SOX6: variants seen among roughly 807,000 people sequenced by gnomAD.
SOX6 encodes transcription factor SOX-6.
Under a neutral mutation model 97.8 loss-of-function variants are expected in SOX6, and 11 were observed. The ratio of observed to expected loss-of-function variants is 0.11; its 90% CI spans 0.07 to 0.19. SOX6 has a LOEUF of 0.19. SOX6 is among the 10% of genes least tolerant of loss of function. The pLI, the probability that SOX6 is intolerant of heterozygous loss-of-function variation, is 1.00. For missense variants in SOX6, 810 were observed against 1,039.5 expected, an observed-to-expected ratio of 0.78 and a Z score of 3.04; for synonymous variants, 360 against 371.4, an observed-to-expected ratio of 0.97 and a Z score of 0.35.
chr11:16,195,159 G>A (rs532210372), intron 4 of SOX6, among the ~76,000 whole-genome samples: 1 of 152,164 alleles, frequency 6.6e-6, no homozygotes, highest in Admixed American at 6.5e-5. Context: ...TATTAACAAG[G>A]CATTTTCTTA....
chr11:16,278,604 G>T (rs1328366458), intron 3 of SOX6, among the ~76,000 whole-genome samples: 1 of 151,646 alleles, frequency 6.6e-6, no homozygotes, highest in Non-Finnish European at 1.5e-5. Context: ...AAGATTTGGG[G>T]CCCCAGAACA....
chr11:16,111,658 C>T, intron 7 of SOX6, 145 bp downstream of exon 7: 1 of 1,115,140 alleles, frequency 9.0e-7, no homozygotes, highest in Non-Finnish European at 1.3e-6. Flanking sequence ...CCCACTCTTC[C>T]CAATTCTAAT....
intron 1 of SOX6, among the ~76,000 whole-genome samples, chr11:16,449,428 G>A (rs934214886): frequency 1.3e-5 from 2 of 151,596 alleles, no homozygotes; most frequent in Non-Finnish European, 2.9e-5. Flanking sequence ...GAGTAGCTGG[G>A]ATTACAGGCG....
chr11:16,243,854 G>C (rs891445983), intron 3 of SOX6, among the ~76,000 whole-genome samples: 1 of 151,972 alleles, frequency 6.6e-6, no homozygotes, highest in Non-Finnish European at 1.5e-5. Flanking sequence ...TAGTAGTCTG[G>C]TCCTTTTTAT....
At chr11:16,086,227 C>T (rs529579110) in intron 9 of SOX6, among the ~76,000 whole-genome samples, 11 of 152,256 alleles carry the variant, frequency 7.2e-5, no homozygotes, top group African/African-American at 2.6e-4. Flanking sequence ...TAAATTAAAT[C>T]GTTTAAAATA....
intron 4 of SOX6, among the ~76,000 whole-genome samples, chr11:16,482,972 C>T (rs1223418713): frequency 6.6e-6 from 1 of 152,144 alleles, no homozygotes; most frequent in Admixed American, 6.5e-5. Context: ...TGCTAAGGCA[C>T]CAGCAGTTTT....
chr11:16,649,660 A>G (rs1849063932), intron 3 of SOX6, among the ~76,000 whole-genome samples: 1 of 152,150 alleles, frequency 6.6e-6, no homozygotes. Context: ...AAATACACCA[A>G]AACAGAACTT....
At chr11:16,650,708 C>A (rs1847635412) in intron 3 of SOX6, among the ~76,000 whole-genome samples, 1 of 151,706 alleles carries the variant, frequency 6.6e-6, no homozygotes. Context: ...AAGGCCACAC[C>A]TCAAGGAACT....
At chr11:16,482,787 C>T (rs964814211) in intron 4 of SOX6, among the ~76,000 whole-genome samples, 1 of 150,192 alleles carries the variant, frequency 6.7e-6, no homozygotes, top group South Asian at 2.1e-4. Flanking sequence ...CACATTTCAG[C>T]ACACAGAGTA....
At chr11:16,150,473 G>A (rs1850431100) in intron 6 of SOX6, among the ~76,000 whole-genome samples, 1 of 152,108 alleles carries the variant, frequency 6.6e-6, no homozygotes, top group African/African-American at 2.4e-5. Context: ...AAGTTTTCTT[G>A]TCCATGCAGC....
At chr11:16,276,320 T>A (rs1476828411) in intron 3 of SOX6, among the ~76,000 whole-genome samples, 1 of 152,214 alleles carries the variant, frequency 6.6e-6, no homozygotes, top group Admixed American at 6.5e-5. Flanking sequence ...AGTGTAGCCC[T>A]GTAAGAGACT....
intron 6 of SOX6, among the ~76,000 whole-genome samples, chr11:16,144,624 G>A (rs1013295892): frequency 6.6e-6 from 1 of 152,088 alleles, no homozygotes; most frequent in Non-Finnish European, 1.5e-5. Flanking sequence ...AAGAAGAAAA[G>A]AGAGAAGAAT....
At chr11:16,028,634 CTG>C (rs1393699248) in intron 12 of SOX6, among the ~76,000 whole-genome samples, 1 of 152,170 alleles carries the variant, frequency 6.6e-6, no homozygotes, top group Non-Finnish European at 1.5e-5. Context: ...GTGCTGATCA[CTG>C]TGTGTGTTAG....
intron 4 of SOX6, among the ~76,000 whole-genome samples, chr11:16,562,025 C>T (rs1197102164): frequency 6.6e-6 from 1 of 152,144 alleles, no homozygotes; most frequent in African/African-American, 2.4e-5. Flanking sequence ...TGGTGCCCAG[C>T]CCCTTATTTG....
intron 4 of SOX6, among the ~76,000 whole-genome samples, chr11:16,197,730 A>G (rs1188278959): frequency 1.3e-5 from 2 of 152,210 alleles, no homozygotes; most frequent in Non-Finnish European, 2.9e-5. Context: ...TTTCCTATGT[A>G]GCATTCACAA....
At chr11:16,053,619 G>A (rs778282699) in intron 10 of SOX6, among the ~76,000 whole-genome samples, 2 of 152,128 alleles carry the variant, frequency 1.3e-5, no homozygotes, top group Non-Finnish European at 2.9e-5. Flanking sequence ...GATATAGCTA[G>A]TAAAAGTGGT....
At chr11:16,566,481 C>T (rs1379720618) in intron 4 of SOX6, among the ~76,000 whole-genome samples, 1 of 152,182 alleles carries the variant, frequency 6.6e-6, no homozygotes, top group Non-Finnish European at 1.5e-5. Flanking sequence ...CTCTGGTAAA[C>T]TCAGGATAAT....
At chr11:16,242,752 A>G (rs987746625) in intron 3 of SOX6, among the ~76,000 whole-genome samples, 3 of 151,968 alleles carry the variant, frequency 2.0e-5, no homozygotes, top group African/African-American at 7.2e-5. Context: ...ATGCCATAAT[A>G]TTAAATTATA....
At chr11:16,475,892 A>G (rs1860237195) in intron 1 of SOX6, among the ~76,000 whole-genome samples, 1 of 152,172 alleles carries the variant, frequency 6.6e-6, no homozygotes, top group East Asian at 1.9e-4. Context: ...TTTGAATTCT[A>G]CATTGTCTCA....
Sources: gnomAD v4.1 joint callset for allele counts (sites outside exome capture counted in the v4.1 genomes callset) on GRCh38, gnomAD v4.1.1 for gene constraint, MANE v1.5 for transcripts, NCBI Gene and HGNC (gene_info 2026-07-23, HGNC 2026-07-21) for gene names.